Variants in ZCCHC7 observed in about 807,000 individuals in gnomAD.
ZCCHC7 encodes zinc finger CCHC domain-containing protein 7.
In ZCCHC7, 35 loss-of-function variants were observed where a neutral mutation model predicts 52.0. That is an observed-to-expected ratio of 0.67 (90% CI 0.51 to 0.89). The LOEUF is 0.89. Among genes scored for constraint, ZCCHC7 ranks in the 40% least tolerant of loss-of-function variants. ZCCHC7 has a pLI of 0.00. For missense variants in ZCCHC7, 574 were observed against 649.1 expected, an observed-to-expected ratio of 0.88 and a Z score of 1.26; for synonymous variants, 217 against 221.5, an observed-to-expected ratio of 0.98 and a Z score of 0.18.
intron 2 of ZCCHC7, among the ~76,000 whole-genome samples, chr9:37,230,857 C>A (rs1825368115): frequency 1.3e-5 from 2 of 151,866 alleles, no homozygotes; most frequent in South Asian, 4.2e-4. Flanking sequence ...GGAATAAGTT[C>A]TCTTTGTTAG....
chr9:37,285,967 A>G (rs1269546409), intron 2 of ZCCHC7, among the ~76,000 whole-genome samples: 1 of 152,230 alleles, frequency 6.6e-6, no homozygotes, highest in African/African-American at 2.4e-5. Flanking sequence ...TTCTCTCTAC[A>G]TAGAAGACTA....
intron 2 of ZCCHC7, among the ~76,000 whole-genome samples, chr9:37,158,909 A>T (rs890451909): frequency 1.3e-5 from 2 of 152,214 alleles, no homozygotes; most frequent in African/African-American, 4.8e-5. Flanking sequence ...GTATTATAGT[A>T]TGCCACAGCC....
At chr9:37,288,767 G>T (rs572519450) in intron 2 of ZCCHC7, among the ~76,000 whole-genome samples, 19 of 152,186 alleles carry the variant, frequency 1.2e-4, no homozygotes, top group Admixed American at 5.2e-4. Flanking sequence ...TGGTTACGGG[G>T]CACTGACCTA....
intron 2 of ZCCHC7, among the ~76,000 whole-genome samples, chr9:37,151,665 C>G (rs561672640): frequency 6.6e-6 from 1 of 151,952 alleles, no homozygotes; most frequent in Non-Finnish European, 1.5e-5. Context: ...ATTAGCCTGA[C>G]GTGGTGGTGC....
chr9:37,206,698 G>A (rs1470961017), intron 2 of ZCCHC7, among the ~76,000 whole-genome samples: 1 of 152,082 alleles, frequency 6.6e-6, no homozygotes, highest in African/African-American at 2.4e-5. Context: ...TCTGGAAATT[G>A]CAGCGACTTT....
chr9:37,336,176 T>C (rs1830641752), intron 6 of ZCCHC7, among the ~76,000 whole-genome samples: 1 of 152,152 alleles, frequency 6.6e-6, no homozygotes, highest in Non-Finnish European at 1.5e-5. Flanking sequence ...AAAACCAGCC[T>C]GATTTCATAG....
intron 2 of ZCCHC7, among the ~76,000 whole-genome samples, chr9:37,135,349 T>C (rs896110392): frequency 5.3e-5 from 8 of 152,370 alleles, no homozygotes; most frequent in African/African-American, 1.9e-4. Context: ...GAAGTTCTTA[T>C]TCCTGTTTGT....
intron 2 of ZCCHC7, among the ~76,000 whole-genome samples, chr9:37,194,043 C>T (rs1476083360): frequency 1.3e-5 from 2 of 152,196 alleles, no homozygotes; most frequent in Non-Finnish European, 2.9e-5. Context: ...GAACTCCTCT[C>T]TGGCACTTAA....
At chr9:37,243,666 A>G (rs1305521385) in intron 2 of ZCCHC7, among the ~76,000 whole-genome samples, 2 of 151,936 alleles carry the variant, frequency 1.3e-5, no homozygotes, top group Non-Finnish European at 2.9e-5. Context: ...ACTGTGGACT[A>G]TGCTAGAGGA....
At chr9:37,258,950 A>T (rs1010317606) in intron 2 of ZCCHC7, among the ~76,000 whole-genome samples, 4 of 152,084 alleles carry the variant, frequency 2.6e-5, no homozygotes, top group African/African-American at 9.7e-5. Context: ...TAAGGACAAA[A>T]CAGGTAGGGC....
intron 3 of ZCCHC7, among the ~76,000 whole-genome samples, chr9:37,303,917 C>G (rs1829168467): frequency 6.6e-6 from 1 of 152,124 alleles, no homozygotes. Context: ...CCCACCTCGG[C>G]CTCCGAAAGT....
chr9:37,138,043 GTTTTCAGC>G (rs970815302), intron 2 of ZCCHC7, among the ~76,000 whole-genome samples: 2 of 152,128 alleles, frequency 1.3e-5, no homozygotes, highest in African/African-American at 4.8e-5. Flanking sequence ...CCTCTCTGAT[GTTTTCAGC>G]TTTTGTAAGC....
At chr9:37,152,599 G>A (rs1820590418) in intron 2 of ZCCHC7, among the ~76,000 whole-genome samples, 2 of 152,038 alleles carry the variant, frequency 1.3e-5, no homozygotes, top group Admixed American at 1.3e-4. Flanking sequence ...TTTATAGAAT[G>A]TCCCCAAATT....
At chr9:37,305,809 C>G in intron 5 of ZCCHC7, 95 bp downstream of exon 5, 2 of 1,309,462 alleles carry the variant, frequency 1.5e-6, no homozygotes, top group Non-Finnish European at 2.1e-6. Flanking sequence ...GTCAGCATAC[C>G]TAAAGGAATG....
At chr9:37,174,872 C>G (rs1394626410) in intron 2 of ZCCHC7, among the ~76,000 whole-genome samples, 1 of 152,172 alleles carries the variant, frequency 6.6e-6, no homozygotes, top group Non-Finnish European at 1.5e-5. Flanking sequence ...CATGGTGGCA[C>G]ACGTCTGTAA....
intron 5 of ZCCHC7, among the ~76,000 whole-genome samples, chr9:37,309,806 C>A (rs1438259513): frequency 6.6e-6 from 1 of 151,610 alleles, no homozygotes; most frequent in Non-Finnish European, 1.5e-5. Context: ...CCTGTAATTC[C>A]AACTACTGGG....
intron 2 of ZCCHC7, among the ~76,000 whole-genome samples, chr9:37,167,073 A>G (rs1383255865): frequency 6.6e-6 from 1 of 152,116 alleles, no homozygotes; most frequent in Non-Finnish European, 1.5e-5. Context: ...TGGAGATTGG[A>G]ATTATATGTG....
intron 2 of ZCCHC7, among the ~76,000 whole-genome samples, chr9:37,245,409 C>G (rs1042905246): frequency 6.6e-6 from 1 of 151,944 alleles, no homozygotes; most frequent in Non-Finnish European, 1.5e-5. Context: ...TTAAAATATA[C>G]TAGCAAATTA....
intron 2 of ZCCHC7, among the ~76,000 whole-genome samples, chr9:37,251,556 C>T (rs1340319736): frequency 6.6e-6 from 1 of 152,208 alleles, no homozygotes; most frequent in Non-Finnish European, 1.5e-5. Flanking sequence ...AGTTAGTCCA[C>T]TCTTCCGCTT....
Sources: allele counts gnomAD v4.1 joint callset (sites outside exome capture counted in the v4.1 genomes callset), GRCh38; gene constraint gnomAD v4.1.1; transcripts MANE v1.5; gene names NCBI Gene and HGNC (gene_info 2026-07-23, HGNC 2026-07-21).